The following ADAMTSL1 variants were observed in gnomAD, a reference collection of about 807,000 sequenced individuals.
The protein encoded by ADAMTSL1 is ADAMTS like 1.
ADAMTSL1 carries 126 observed loss-of-function variants against 201.8 expected under a neutral mutation model. The ratio of observed to expected loss-of-function variants is 0.62; its 90% CI spans 0.54 to 0.72. The LOEUF (loss-of-function observed/expected upper bound fraction) is 0.72, where lower values mean the gene tolerates loss of function less well. Ranked by LOEUF, ADAMTSL1 falls within the 30% of genes least tolerant of loss-of-function variation. The pLI is 0.00. For synonymous variants in ADAMTSL1, 1,121 were observed against 903.4 expected (o/e 1.24, Z -4.32); for missense variants, 2,679 against 2,277.8 (o/e 1.18, Z -3.59).
chr9:17,918,560 C>T (rs1194758599), intron 1 of ADAMTSL1, among the ~76,000 whole-genome samples: 1 of 151,758 alleles, frequency 6.6e-6, no homozygotes, highest in Non-Finnish European at 1.5e-5. Context: ...GAATGATGGT[C>T]TTTCTTATTA....
intron 4 of ADAMTSL1, among the ~76,000 whole-genome samples, chr9:18,578,228 T>C (rs1232301774): frequency 6.6e-6 from 1 of 152,216 alleles, no homozygotes; most frequent in Non-Finnish European, 1.5e-5. Context: ...TGAGATTTTG[T>C]CTAGCTGTAA....
At chr9:18,063,363 A>C (rs187505281) in intron 1 of ADAMTSL1, among the ~76,000 whole-genome samples, 3 of 152,292 alleles carry the variant, frequency 2.0e-5, no homozygotes, top group African/African-American at 7.2e-5. Context: ...CAAATTGTAA[A>C]AGGTTCATGT....
chr9:18,409,089 A>C (rs1563941052), intron 2 of ADAMTSL1, among the ~76,000 whole-genome samples: 1 of 152,036 alleles, frequency 6.6e-6, no homozygotes, highest in Non-Finnish European at 1.5e-5. Flanking sequence ...TCAAATCGGA[A>C]GACTGACATC....
At chr9:18,049,923 C>T (rs182680746) in intron 1 of ADAMTSL1, among the ~76,000 whole-genome samples, 197 of 151,916 alleles carry the variant, frequency 1.3e-3, no homozygotes, top group African/African-American at 4.7e-3. Flanking sequence ...GTGCCCGGCC[C>T]GGACTTCTGA....
chr9:17,955,068 A>G (rs992263807), intron 1 of ADAMTSL1, among the ~76,000 whole-genome samples: 17 of 152,186 alleles, frequency 1.1e-4, no homozygotes, highest in African/African-American at 4.1e-4. Flanking sequence ...ACACATGTAT[A>G]TATGTGTATA....
chr9:18,037,536 T>C (rs1821252320), intron 1 of ADAMTSL1, among the ~76,000 whole-genome samples: 1 of 152,182 alleles, frequency 6.6e-6, no homozygotes, highest in African/African-American at 2.4e-5. Flanking sequence ...ATTAAATAAG[T>C]GTTAATGATT....
intron 2 of ADAMTSL1, among the ~76,000 whole-genome samples, chr9:18,216,422 C>G (rs897845182): frequency 6.6e-6 from 1 of 152,148 alleles, no homozygotes; most frequent in Non-Finnish European, 1.5e-5. Flanking sequence ...TTCTTTTGCA[C>G]TTGCAGTAGA....
intron 2 of ADAMTSL1, among the ~76,000 whole-genome samples, chr9:18,368,097 A>C (rs1349200983): frequency 2.0e-5 from 3 of 150,288 alleles, no homozygotes; most frequent in African/African-American, 7.4e-5. Flanking sequence ...TTTTATTTTT[A>C]ATAGAGATGG....
intron 1 of ADAMTSL1, among the ~76,000 whole-genome samples, chr9:17,977,803 G>C (rs1435026733): frequency 6.6e-6 from 1 of 152,050 alleles, no homozygotes; most frequent in Non-Finnish European, 1.5e-5. Flanking sequence ...ATATTCTACA[G>C]CTGTTGAATA....
intron 2 of ADAMTSL1, among the ~76,000 whole-genome samples, chr9:18,176,084 TA>T (rs1828141420): frequency 1.3e-5 from 2 of 149,386 alleles, no homozygotes; most frequent in Admixed American, 6.7e-5. Flanking sequence ...ACAAGGTAAT[TA>T]AAAAATTCAG....
At chr9:18,829,812 C>G (rs765529063) in intron 22 of ADAMTSL1, 31 bp from the exon 23 acceptor site, 4 of 1,613,198 alleles carry the variant, frequency 2.5e-6, no homozygotes, top group Non-Finnish European at 3.4e-6. Flanking sequence ...TGTGCTTTAA[C>G]CTGCCTGATC....
intron 1 of ADAMTSL1, among the ~76,000 whole-genome samples, chr9:17,918,799 G>A (rs1393730560): frequency 1.3e-5 from 2 of 151,756 alleles, no homozygotes; most frequent in Non-Finnish European, 3.0e-5. Flanking sequence ...TACCACTGTA[G>A]ACTTGTCTAT....
At chr9:18,493,342 A>G (rs146166758) in intron 1 of ADAMTSL1, among the ~76,000 whole-genome samples, 25 of 152,334 alleles carry the variant, frequency 1.6e-4, no homozygotes, top group African/African-American at 5.5e-4. Flanking sequence ...AAATGATTTA[A>G]TAAGTATTCT....
intron 2 of ADAMTSL1, among the ~76,000 whole-genome samples, chr9:18,266,630 A>G (rs867930864): frequency 1.2e-4 from 19 of 152,140 alleles, no homozygotes; most frequent in African/African-American, 4.6e-4. Flanking sequence ...AACAAATTCA[A>G]GTGTTTCTAA....
intron 1 of ADAMTSL1, among the ~76,000 whole-genome samples, chr9:18,039,798 A>G (rs1416648820): frequency 6.6e-6 from 1 of 152,180 alleles, no homozygotes; most frequent in Non-Finnish European, 1.5e-5. Flanking sequence ...ACTCATTTTT[A>G]AAAATTATTA....
chr9:18,325,023 G>T (rs1834773593), intron 2 of ADAMTSL1, among the ~76,000 whole-genome samples: 1 of 152,060 alleles, frequency 6.6e-6, no homozygotes, highest in South Asian at 2.1e-4. Context: ...TCAGGAAAAT[G>T]CAAATTATAA....
chr9:17,926,377 C>G (rs1190008581), intron 1 of ADAMTSL1, among the ~76,000 whole-genome samples: 4 of 152,138 alleles, frequency 2.6e-5, no homozygotes, highest in African/African-American at 2.4e-5. Flanking sequence ...TTTAACACCA[C>G]CAAGGTTTAT....
At chr9:18,111,708 A>C (rs968154317) in intron 1 of ADAMTSL1, among the ~76,000 whole-genome samples, 5 of 152,198 alleles carry the variant, frequency 3.3e-5, no homozygotes, top group Non-Finnish European at 1.5e-5. Context: ...GTGCTCATGT[A>C]GTTAAATAAT....
At chr9:17,927,428 A>C (rs1826593398) in intron 1 of ADAMTSL1, among the ~76,000 whole-genome samples, 1 of 152,056 alleles carries the variant, frequency 6.6e-6, no homozygotes, top group Non-Finnish European at 1.5e-5. Flanking sequence ...ATACATGTAT[A>C]CATATATGTA....
Sources: gnomAD v4.1 joint callset for allele counts (sites outside exome capture counted in the v4.1 genomes callset) on GRCh38, gnomAD v4.1.1 for gene constraint, MANE v1.5 for transcripts, NCBI Gene and HGNC (gene_info 2026-07-23, HGNC 2026-07-21) for gene names.